Variants in PPP2R2B observed in about 807,000 individuals in gnomAD.
PPP2R2B encodes protein phosphatase 2 regulatory subunit Bbeta, also known as serine/threonine-protein phosphatase 2A 55 kDa regulatory subunit B beta isoform.
In PPP2R2B, 5 loss-of-function variants were observed where a neutral mutation model predicts 46.0. The ratio of observed to expected loss-of-function variants is 0.11; its 90% CI spans 0.06 to 0.23. The LOEUF (loss-of-function observed/expected upper bound fraction) is 0.23. Among genes scored for constraint, PPP2R2B ranks in the 10% least tolerant of loss-of-function variants. The pLI is 1.00. For missense variants in PPP2R2B, 367 were observed against 575.0 expected (o/e 0.64, Z 3.70); for synonymous variants, 215 against 206.7 (o/e 1.04, Z -0.34).
At chr5:146,668,015 C>A (rs752707928) in intron 5 of PPP2R2B, among the ~76,000 whole-genome samples, 1 of 152,176 alleles carries the variant, frequency 6.6e-6, no homozygotes, top group Non-Finnish European at 1.5e-5. Flanking sequence ...ACATCCACAC[C>A]TTTTCCTAGG....
At chr5:146,903,747 T>A (rs1762914000) in intron 1 of PPP2R2B, among the ~76,000 whole-genome samples, 1 of 152,116 alleles carries the variant, frequency 6.6e-6, no homozygotes, top group East Asian at 1.9e-4. Context: ...AAAATCAGAT[T>A]GACCTGGAGT....
At chr5:146,702,113 C>T (rs1408816626) in intron 2 of PPP2R2B, among the ~76,000 whole-genome samples, 1 of 145,944 alleles carries the variant, frequency 6.9e-6, no homozygotes, top group Non-Finnish European at 1.5e-5. Flanking sequence ...TTGACAGGAA[C>T]ATTCTGAAGA....
chr5:146,807,439 G>T (rs1757243987), intron 2 of PPP2R2B, among the ~76,000 whole-genome samples: 1 of 152,090 alleles, frequency 6.6e-6, no homozygotes, highest in Non-Finnish European at 1.5e-5. Flanking sequence ...CACCAACACT[G>T]CTATCCAGTT....
intron 1 of PPP2R2B, among the ~76,000 whole-genome samples, chr5:147,017,567 G>A (rs1580809167): frequency 6.6e-6 from 1 of 151,370 alleles, no homozygotes; most frequent in African/African-American, 2.4e-5. Context: ...AGCCTACAGA[G>A]GAAGCATATT....
At chr5:147,023,365 C>T (rs767470193) in intron 1 of PPP2R2B, among the ~76,000 whole-genome samples, 2 of 151,884 alleles carry the variant, frequency 1.3e-5, no homozygotes, top group Non-Finnish European at 2.9e-5. Flanking sequence ...GAACAAAAAG[C>T]AGATGGATAA....
chr5:146,859,690 T>C (rs183652509), intron 2 of PPP2R2B, among the ~76,000 whole-genome samples: 2 of 152,324 alleles, frequency 1.3e-5, no homozygotes, highest in Admixed American at 1.3e-4. Context: ...TGAAATAGCC[T>C]GAGAAACCTT....
intron 1 of PPP2R2B, among the ~76,000 whole-genome samples, chr5:146,968,399 A>G (rs1485902852): frequency 6.6e-6 from 1 of 152,186 alleles, no homozygotes; most frequent in Non-Finnish European, 1.5e-5. Flanking sequence ...GGTGCTGGGA[A>G]CATCAAAGTG....
intron 2 of PPP2R2B, among the ~76,000 whole-genome samples, chr5:146,845,535 G>C (rs1001697308): frequency 1.3e-5 from 2 of 151,956 alleles, no homozygotes; most frequent in African/African-American, 4.8e-5. Flanking sequence ...TTACAGGCGT[G>C]AGCCACCACA....
chr5:146,757,620 T>C (rs17458178), intron 2 of PPP2R2B, among the ~76,000 whole-genome samples: 15,244 of 152,172 alleles, frequency 0.1, 974 homozygotes, highest in Middle Eastern at 0.17. Flanking sequence ...ACAGAGGACA[T>C]AGGGGTCTTC....
chr5:147,043,141 T>A (rs1756392615), intron 1 of PPP2R2B, among the ~76,000 whole-genome samples: 1 of 152,158 alleles, frequency 6.6e-6, no homozygotes, highest in African/African-American at 2.4e-5. Context: ...TGTAACTCCC[T>A]GTTCCTGGCT....
At chr5:147,048,186 A>G (rs776122715) in intron 1 of PPP2R2B, among the ~76,000 whole-genome samples, 12 of 152,118 alleles carry the variant, frequency 7.9e-5, no homozygotes, top group Non-Finnish European at 1.6e-4. Flanking sequence ...TAAAGAATAG[A>G]TGAGTGTTTT....
At chr5:146,683,472 C>A (rs1262272660) in intron 5 of PPP2R2B, among the ~76,000 whole-genome samples, 1 of 152,182 alleles carries the variant, frequency 6.6e-6, no homozygotes, top group Non-Finnish European at 1.5e-5. Flanking sequence ...TATCACATCT[C>A]TACAATAAGG....
chr5:146,855,802 A>G (rs1323226859), intron 2 of PPP2R2B, among the ~76,000 whole-genome samples: 2 of 152,200 alleles, frequency 1.3e-5, no homozygotes, highest in African/African-American at 2.4e-5. Context: ...TGGAGGCTGT[A>G]AAGCTAAAGC....
chr5:146,976,877 C>T (rs1281857657), intron 1 of PPP2R2B, among the ~76,000 whole-genome samples: 1 of 152,038 alleles, frequency 6.6e-6, no homozygotes, highest in East Asian at 1.9e-4. Context: ...CAACACCTTC[C>T]TACCCATCAC....
intron 1 of PPP2R2B, among the ~76,000 whole-genome samples, chr5:146,966,366 A>C (rs1752407982): frequency 6.6e-6 from 1 of 152,164 alleles, no homozygotes; most frequent in Admixed American, 6.5e-5. Context: ...ACTTGCAGCC[A>C]TGCCCAGGGA....
chr5:146,838,435 A>T (rs1432768747), intron 2 of PPP2R2B, among the ~76,000 whole-genome samples: 1 of 151,794 alleles, frequency 6.6e-6, no homozygotes, highest in Non-Finnish European at 1.5e-5. Flanking sequence ...GCTGGGCATG[A>T]TGGTGGGTGC....
intron 2 of PPP2R2B, among the ~76,000 whole-genome samples, chr5:146,768,211 C>A (rs1441891889): frequency 6.6e-6 from 1 of 152,074 alleles, no homozygotes; most frequent in African/African-American, 2.4e-5. Context: ...GTAGCTGGGA[C>A]TACAGGTGCA....
intron 2 of PPP2R2B, among the ~76,000 whole-genome samples, chr5:146,715,115 G>A (rs976395064): frequency 6.6e-6 from 1 of 151,912 alleles, no homozygotes. Flanking sequence ...TCAGAGTGGG[G>A]AAAAAAACCC....
intron 1 of PPP2R2B, among the ~76,000 whole-genome samples, chr5:146,931,644 T>C (rs1157489978): frequency 6.6e-6 from 1 of 152,290 alleles, no homozygotes; most frequent in South Asian, 2.1e-4. Context: ...AAGTCACTTT[T>C]AGCTTCTTAT....
Sources: gnomAD v4.1 joint callset for allele counts (sites outside exome capture counted in the v4.1 genomes callset) on GRCh38, gnomAD v4.1.1 for gene constraint, MANE v1.5 for transcripts, NCBI Gene and HGNC (gene_info 2026-07-23, HGNC 2026-07-21) for gene names.